The following EPHB1 variants were observed in gnomAD, a reference collection of about 807,000 sequenced individuals.
EPHB1 encodes EPH receptor B1.
Under a neutral mutation model 94.4 loss-of-function variants are expected in EPHB1, and 30 were observed. That is an observed-to-expected ratio of 0.32 (90% CI 0.24 to 0.43). The LOEUF (loss-of-function observed/expected upper bound fraction) is 0.43, where lower values mean the gene tolerates loss of function less well. Among genes scored for constraint, EPHB1 ranks in the 20% least tolerant of loss-of-function variants. EPHB1 has a pLI of 1.00. For synonymous variants in EPHB1, 522 were observed against 489.1 expected (o/e 1.07, Z -0.89); for missense variants, 1,055 against 1,308.3 (o/e 0.81, Z 2.99).
intron 10 of EPHB1, among the ~76,000 whole-genome samples, chr3:135,185,276 G>T (rs746085893): frequency 1.3e-4 from 20 of 152,166 alleles, no homozygotes; most frequent in Non-Finnish European, 2.9e-4. Flanking sequence ...GGTTTCCTTG[G>T]GGATGATTTG....
Position 134,951,917 on chromosome 3 carries a change from A to G in EPHB1, c.670A>G (p.Thr224Ala), listed in dbSNP as rs748010939. The G allele has an allele frequency of 1.4e-5, 22 of 1,613,924 alleles. No homozygotes were observed. The highest frequency in any genetic ancestry group is 1.9e-5 in the Non-Finnish European group (22 of 1,179,902). Residue 224 changes from threonine to alanine, a missense_variant, in exon 3 of 16, where the codon ACA becomes GCA. Coordinates refer to ENST00000398015, the MANE Select transcript of EPHB1 (RefSeq NM_004441.5). The surrounding 1 kb of genome is among the most constrained non-coding windows in gnomAD (Gnocchi z 4.5). ...CACATCTCTGGTGATTGCTCGGGGC[A>G]CATGCATCCCCAACGCAGAGGAAGT... ...ESTSLVIARG[T>A]CIPNAEEVDV...
At chr3:135,257,905 T>TA (rs1308373822) in intron 15 of EPHB1, among the ~76,000 whole-genome samples, 1 of 152,206 alleles carries the variant, frequency 6.6e-6, no homozygotes, top group African/African-American at 2.4e-5. Flanking sequence ...GTGTGGGATA[T>TA]AATCTCGTGG....
chr3:135,245,503 G>GAAC, intron 13 of EPHB1, among the ~76,000 whole-genome samples: 1 of 78,212 alleles, frequency 1.3e-5, no homozygotes, highest in Non-Finnish European at 2.4e-5. Flanking sequence ...ACAAATACCA[G>GAAC]AACAGTCTTC....
At chr3:135,033,236 T>C (rs555737140) in intron 3 of EPHB1, among the ~76,000 whole-genome samples, 5 of 152,136 alleles carry the variant, frequency 3.3e-5, no homozygotes, top group Non-Finnish European at 7.4e-5. Flanking sequence ...GAATCGTTTA[T>C]GGTGGGTTCG....
At chr3:135,001,198 G>A (rs1352205443) in intron 3 of EPHB1, among the ~76,000 whole-genome samples, 1 of 152,128 alleles carries the variant, frequency 6.6e-6, no homozygotes, top group African/African-American at 2.4e-5. Context: ...AGCCAGGCGG[G>A]GGAGCCTGCA....
chr3:135,246,877 TATC>T (rs1175677394), intron 13 of EPHB1, among the ~76,000 whole-genome samples: 1 of 152,346 alleles, frequency 6.6e-6, no homozygotes, highest in East Asian at 1.9e-4. Context: ...ATGACTTGGT[TATC>T]ATTTTATCTC....
chr3:134,886,530 G>A (rs899918598), intron 1 of EPHB1, among the ~76,000 whole-genome samples: 1 of 152,054 alleles, frequency 6.6e-6, no homozygotes, highest in Non-Finnish European at 1.5e-5. Flanking sequence ...AAACAAACAC[G>A]GATCTATCGG....
chr3:134,968,951 A>G (rs1933866293), intron 3 of EPHB1, among the ~76,000 whole-genome samples: 1 of 152,232 alleles, frequency 6.6e-6, no homozygotes, highest in Non-Finnish European at 1.5e-5. Context: ...TTGTGTATCC[A>G]TTCGCTTGTT....
In EPHB1 at chr3:134,882,747, TTCCTTTC is replaced by T. The variant is rs2037763009; in HGVS notation, c.59-43067_59-43061del. ...TCTTCTTTCCTTCTTTCCTTCTTTC[TTCCTTTC>T]TTCCTTCCTTCCTTTCTTTCTTTCT... On this transcript the variant is annotated intron_variant, in intron 1 of 15. Transcript: ENST00000398015. Among the ~76,000 whole-genome samples the T allele has an allele frequency of 5.0e-5, 3 of 59,672 alleles. 1 individual carries two copies. The highest frequency in any genetic ancestry group is 2.1e-4 in the African/African-American group (3 of 14,616). 39.1% of individuals were successfully genotyped at this position (59,672 alleles called of 152,430 possible). A position where few individuals can be genotyped will look rare whatever the true frequency, so the allele number is the denominator to read the frequency against.
intron 1 of EPHB1, among the ~76,000 whole-genome samples, chr3:134,812,454 T>C (rs1237754050): frequency 6.6e-6 from 1 of 152,264 alleles, no homozygotes; most frequent in Non-Finnish European, 1.5e-5. Context: ...ATACTTTCTT[T>C]TTATTGCTGA....
At chr3:134,937,636 C>T (rs748635855) in intron 2 of EPHB1, among the ~76,000 whole-genome samples, 4 of 152,352 alleles carry the variant, frequency 2.6e-5, no homozygotes, top group Admixed American at 6.5e-5. Context: ...GCAGAAATCC[C>T]GCCAAGCTGA....
chr3:135,124,283 C>G lies in EPHB1; in HGVS notation c.962-8431C>G, dbSNP rs140119847. Among the ~76,000 whole-genome samples, 9 of 151,782 alleles carry G rather than the reference C, an allele frequency of 5.9e-5. 2 individuals carry two copies. Among genetic ancestry groups the G allele is most frequent in the African/African-American group, 1.9e-4 (8 of 41,094 alleles). On this transcript the variant is annotated intron_variant, in intron 4 of 15. Transcript: ENST00000398015. ...AGATGGCCTCTGCTCTGAGAGAGCT[C>G]CCCTCACCACACCAGCATGCTGTCT...
At chr3:134,897,361 A>G (rs2038107500) in intron 1 of EPHB1, among the ~76,000 whole-genome samples, 1 of 152,142 alleles carries the variant, frequency 6.6e-6, no homozygotes, top group African/African-American at 2.4e-5. Context: ...GAAAGGAGCA[A>G]CTGCTGGTGG....
intron 1 of EPHB1, among the ~76,000 whole-genome samples, chr3:134,847,116 C>T (rs2108298316): frequency 6.6e-6 from 1 of 152,068 alleles, no homozygotes; most frequent in South Asian, 2.1e-4. Context: ...CGTGGCCTTC[C>T]CTGTGGAAGG....
chr3:134,985,975 CA>C (rs1482119712), intron 3 of EPHB1, among the ~76,000 whole-genome samples: 1 of 152,066 alleles, frequency 6.6e-6, no homozygotes, highest in Non-Finnish European at 1.5e-5. Flanking sequence ...TGCAGAATTC[CA>C]GCCAAGCAGA....
Position 135,023,460 on chromosome 3 carries a change from C to T in EPHB1, c.805+71408C>T, listed in dbSNP as rs191189006. On this transcript the variant is annotated intron_variant, in intron 3 of 15. Coordinates refer to ENST00000398015, the MANE Select transcript of EPHB1 (RefSeq NM_004441.5). ...CCCCCTCTCCTCAAGTTGTGACAGC[C>T]AAAATATCTCCAGAAATTGTTAAAT... 9.2e-5 allele frequency among the ~76,000 whole-genome samples: 14 copies of T among 152,226 alleles called. No homozygotes were observed. In the East Asian group the frequency reaches 2.3e-3, roughly 25 times the overall value.
At chr3:135,034,307 C>T (rs750670026) in intron 3 of EPHB1, among the ~76,000 whole-genome samples, 8 of 152,168 alleles carry the variant, frequency 5.3e-5, no homozygotes, top group Non-Finnish European at 1.5e-5. Context: ...TCCCTCAGAC[C>T]TTCATGGTCC....
intron 3 of EPHB1, among the ~76,000 whole-genome samples, chr3:135,006,035 T>C (rs1935397882): frequency 6.6e-6 from 1 of 152,190 alleles, no homozygotes; most frequent in African/African-American, 2.4e-5. Flanking sequence ...CACTCTTCTC[T>C]CTCCTGCCAA....
intron 1 of EPHB1, among the ~76,000 whole-genome samples, chr3:134,921,803 C>T (rs1266155256): frequency 6.6e-6 from 1 of 152,226 alleles, no homozygotes; most frequent in Non-Finnish European, 1.5e-5. Context: ...CACCTTCTCC[C>T]CTCATAATCC....
Sources: gnomAD v4.1 joint callset for allele counts (sites outside exome capture counted in the v4.1 genomes callset) on GRCh38, gnomAD v4.1.1 for gene constraint, Gnocchi (gnomAD v3.1) non-coding constraint, MANE v1.5 for transcripts, NCBI Gene and HGNC (gene_info 2026-07-23, HGNC 2026-07-21) for gene names.